The following IFTAP variants were observed in gnomAD, a reference collection of about 807,000 sequenced individuals.
IFTAP encodes the protein intraflagellar transport associated protein, also known as intraflagellar transport-associated protein.
A neutral mutation model predicts 19.4 loss-of-function variants in IFTAP; 19 were observed. The ratio of observed to expected loss-of-function variants is 0.98; its 90% CI spans 0.68 to 1.44. The LOEUF (loss-of-function observed/expected upper bound fraction) is 1.44, where lower values mean the gene tolerates loss of function less well. Among genes scored for constraint, IFTAP ranks in the 40% most tolerant of loss-of-function variants. The pLI, the probability that IFTAP is intolerant of heterozygous loss-of-function variation, is 0.00. For synonymous variants in IFTAP, 85 were observed against 83.5 expected (o/e 1.02, Z -0.10); for missense variants, 240 against 253.6 (o/e 0.95, Z 0.36).
chr11:36,612,691 C>T (rs1322173964), intron 2 of IFTAP, among the ~76,000 whole-genome samples: 1 of 152,014 alleles, frequency 6.6e-6, no homozygotes, highest in East Asian at 1.9e-4. Flanking sequence ...AGTTTAGTTT[C>T]TCAAGTCCAT....
intron 4 of IFTAP, among the ~76,000 whole-genome samples, chr11:36,636,484 A>C (rs763362151): frequency 4.6e-5 from 7 of 152,206 alleles, no homozygotes; most frequent in African/African-American, 1.7e-4. Context: ...CCTATTAATC[A>C]TAAAAATCAT....
At position 36,633,299 on chromosome 11, in the gene IFTAP, A is replaced by G; in HGVS notation, c.152A>G (p.Lys51Arg). ...CTTATTTCAGAGGATCATGTGTCCA[A>G]AAGGGGAGTGTTTGGAACTGATTCT... ...THLSQEDHVS[K>R]RGVFGTDSSE... Residue 51 changes from lysine (K) to arginine (R), a missense_variant, in exon 3 of 6, where the codon AAA becomes AGA. Lys to Arg is a conservative substitution (Grantham distance 26). Coordinates refer to ENST00000334307, the MANE Select transcript of IFTAP (RefSeq NM_138787.4). 3 of 1,564,552 alleles carry G rather than the reference A, an allele frequency of 1.9e-6. No individual in the cohort carries two copies. Among genetic ancestry groups the G allele is most frequent in the Non-Finnish European group, 2.6e-6 (3 of 1,158,752 alleles).
intron 1 of IFTAP, among the ~76,000 whole-genome samples, chr11:36,606,235 G>C (rs1400464866): frequency 6.6e-6 from 1 of 152,136 alleles, no homozygotes; most frequent in Non-Finnish European, 1.5e-5. Flanking sequence ...AAGGCAGGCG[G>C]ATCACCTGAG....
At chr11:36,650,809 G>C (rs1280331773) in intron 5 of IFTAP, among the ~76,000 whole-genome samples, 1 of 151,870 alleles carries the variant, frequency 6.6e-6, no homozygotes, top group African/African-American at 2.4e-5. Flanking sequence ...TGCGGTGTTT[G>C]GTTTTTTGTC....
At chr11:36,631,794 T>C (rs1358683853) in intron 2 of IFTAP, among the ~76,000 whole-genome samples, 1 of 151,046 alleles carries the variant, frequency 6.6e-6, no homozygotes, top group Admixed American at 6.6e-5. Context: ...CCTTTATCAC[T>C]CTTTTACTCT....
intron 5 of IFTAP, among the ~76,000 whole-genome samples, chr11:36,657,857 A>C (rs1486631031): frequency 6.6e-6 from 1 of 152,178 alleles, no homozygotes; most frequent in Non-Finnish European, 1.5e-5. Flanking sequence ...GAAAGCACTA[A>C]GGTCCTTTCT....
At chr11:36,600,063 A>G (rs748054134) in intron 1 of IFTAP, among the ~76,000 whole-genome samples, 1 of 152,248 alleles carries the variant, frequency 6.6e-6, no homozygotes, top group South Asian at 2.1e-4. Context: ...TTAGTAGCAC[A>G]TTTGAAAATG....
rs898148750 is a variant in IFTAP at position 36,635,955 on chromosome 11, T to C, written c.292-96T>C. 3 of 778,234 alleles carry C rather than the reference T, an allele frequency of 3.9e-6. No homozygotes were observed. The African/African-American group carries it at 5.2e-5, about 13-fold the overall frequency. The allele number at this position is 778,234 out of a possible 1,614,324, so 48.2% of individuals were successfully genotyped here. A position where few individuals can be genotyped will look rare whatever the true frequency, so the allele number is the denominator to read the frequency against. ...TAATGAGAAAAGTGGATTCAGCTGC[T>C]CAGTTAGGTGTTGTGGAAGTGGATT... On this transcript the variant is annotated intron_variant, in intron 3 of 5. Transcript: ENST00000334307.
chr11:36,601,426 G>A (rs1460023824), intron 1 of IFTAP, among the ~76,000 whole-genome samples: 2 of 152,142 alleles, frequency 1.3e-5, no homozygotes, highest in Admixed American at 1.3e-4. Context: ...TTTATTTAAA[G>A]CAATTAGTTA....
At chr11:36,600,007 CAATT>C (rs901338511) in intron 1 of IFTAP, among the ~76,000 whole-genome samples, 20 of 152,152 alleles carry the variant, frequency 1.3e-4, no homozygotes, top group Non-Finnish European at 2.2e-4. Context: ...TTTAGCATAA[CAATT>C]AGTTGCTGAA....
At chr11:36,611,600 GA>G (rs1042473177) in intron 2 of IFTAP, among the ~76,000 whole-genome samples, 2 of 150,730 alleles carry the variant, frequency 1.3e-5, no homozygotes, top group African/African-American at 2.5e-5. Flanking sequence ...ATAACGAAAA[GA>G]AAATATGATT....
intron 3 of IFTAP, 58 bp downstream of exon 3, chr11:36,633,496 A>T: frequency 7.5e-7 from 1 of 1,331,312 alleles, no homozygotes; most frequent in African/African-American, 1.6e-5. Flanking sequence ...ATTCTTCATG[A>T]ATCAAAAAAA....
intron 5 of IFTAP, among the ~76,000 whole-genome samples, chr11:36,652,268 G>A (rs371727258): frequency 8.0e-4 from 121 of 152,074 alleles, no homozygotes; most frequent in African/African-American, 2.3e-3. Flanking sequence ...GGTCCTTCAC[G>A]TCCCTTGTAA....
intron 5 of IFTAP, among the ~76,000 whole-genome samples, chr11:36,657,026 A>G (rs1854021457): frequency 6.6e-6 from 1 of 152,144 alleles, no homozygotes; most frequent in Non-Finnish European, 1.5e-5. Context: ...AAGACCTAGT[A>G]TAGGGGACAC....
chr11:36,605,566 T>C (rs1851665527), intron 1 of IFTAP, among the ~76,000 whole-genome samples: 1 of 152,188 alleles, frequency 6.6e-6, no homozygotes, highest in Admixed American at 6.5e-5. Context: ...GCTTCATTAT[T>C]TGATAGCAGA....
chr11:36,630,358 G>A (rs1444335311), intron 2 of IFTAP, among the ~76,000 whole-genome samples: 1 of 151,332 alleles, frequency 6.6e-6, no homozygotes, highest in Non-Finnish European at 1.5e-5. Context: ...GTTTAGGAAG[G>A]AGCCTTAAAC....
chr11:36,639,719 G>T (rs558110457), intron 4 of IFTAP, among the ~76,000 whole-genome samples: 16 of 152,114 alleles, frequency 1.1e-4, no homozygotes, highest in Non-Finnish European at 2.1e-4. Context: ...CCGTTCCTGA[G>T]GGATCTACTC....
At chr11:36,652,579 C>A (rs576633783) in intron 5 of IFTAP, among the ~76,000 whole-genome samples, 1 of 152,238 alleles carries the variant, frequency 6.6e-6, no homozygotes, top group Non-Finnish European at 1.5e-5. Context: ...GCCAGAACTT[C>A]CAACACTATG....
chr11:36,658,929 A>G, intron 5 of IFTAP, 90 bp from the exon 6 acceptor site: 1 of 956,696 alleles, frequency 1.0e-6, no homozygotes, highest in Non-Finnish European at 1.5e-6. Context: ...AAAAAGGTTT[A>G]ATTAAATATT....
Sources: allele counts gnomAD v4.1 joint callset (sites outside exome capture counted in the v4.1 genomes callset), GRCh38; gene constraint gnomAD v4.1.1; transcripts MANE v1.5; gene names NCBI Gene and HGNC (gene_info 2026-07-23, HGNC 2026-07-21).